The following ASPH variants were observed in gnomAD, a reference collection of about 807,000 sequenced individuals.
ASPH encodes the protein aspartyl/asparaginyl beta-hydroxylase.
In ASPH, 100 loss-of-function variants were observed where a neutral mutation model predicts 118.4. The ratio of observed to expected loss-of-function variants is 0.84; its 90% CI spans 0.72 to 1.00. The LOEUF is 1.00. Ranked by LOEUF, ASPH falls within the 50% of genes least tolerant of loss-of-function variation. The pLI, the probability that ASPH is intolerant of heterozygous loss-of-function variation, is 0.00. For missense variants in ASPH, 920 were observed against 919.5 expected, an observed-to-expected ratio of 1.00 and a Z score of -0.01; for synonymous variants, 315 against 325.6, an observed-to-expected ratio of 0.97 and a Z score of 0.35.
In ASPH at chr8:61,500,729, T is replaced by G. The variant is rs1250731082; in HGVS notation, c.*2630A>C. 1 of 152,224 alleles carries G rather than the reference T, an allele frequency of 6.6e-6. No homozygotes were observed. The highest frequency in any genetic ancestry group is 1.5e-5 in the Non-Finnish European group (1 of 68,030). 9.4% of individuals were successfully genotyped at this position (152,224 alleles called of 1,614,324 possible). A position where few individuals can be genotyped will look rare whatever the true frequency, so the allele number is the denominator to read the frequency against. ...TAGACATCTCTTATTCGCCCAGCCA[T>G]CTGCATGACATGGGTATTTATTAGT... On this transcript the variant is annotated 3_prime_UTR_variant, in exon 25 of 25. Transcript: ENST00000379454.
At chr8:61,586,190 T>C (rs548566069) in intron 14 of ASPH, among the ~76,000 whole-genome samples, 12 of 152,302 alleles carry the variant, frequency 7.9e-5, no homozygotes, top group African/African-American at 2.6e-4. Flanking sequence ...TTATTGCCTC[T>C]GTAACTCCTT....
intron 3 of ASPH, among the ~76,000 whole-genome samples, chr8:61,662,465 A>T (rs558952958): frequency 6.6e-6 from 1 of 152,286 alleles, no homozygotes; most frequent in East Asian, 1.9e-4. Flanking sequence ...TCTGGTTTTA[A>T]TTATACTTAG....
intron 18 of ASPH, among the ~76,000 whole-genome samples, chr8:61,562,132 G>C (rs1830156139): frequency 6.6e-6 from 1 of 152,080 alleles, no homozygotes; most frequent in South Asian, 2.1e-4. Flanking sequence ...TGTTCATTCT[G>C]TACCAAATGA....
At chr8:61,710,288 G>A (rs1349424606) in intron 1 of ASPH, among the ~76,000 whole-genome samples, 1 of 152,160 alleles carries the variant, frequency 6.6e-6, no homozygotes, top group Non-Finnish European at 1.5e-5. Flanking sequence ...AACTGCACTA[G>A]CTTTCTGGAG....
intron 15 of ASPH, among the ~76,000 whole-genome samples, chr8:61,577,371 A>G (rs1220473014): frequency 5.4e-5 from 8 of 149,492 alleles, no homozygotes; most frequent in Non-Finnish European, 1.0e-4. Flanking sequence ...ACAAAAAAAA[A>G]AGAAAATGGC....
intron 13 of ASPH, among the ~76,000 whole-genome samples, chr8:61,631,192 A>G (rs1855433453): frequency 6.6e-6 from 1 of 152,196 alleles, no homozygotes; most frequent in Admixed American, 6.5e-5. Context: ...ACAGTAAACC[A>G]AGGTTAATTA....
At position 61,501,289 on chromosome 8, in the gene ASPH, C is replaced by T. The variant is rs1443115258; in HGVS notation, c.*2070G>A. On this transcript the variant is annotated 3_prime_UTR_variant, in exon 25 of 25. Transcript: ENST00000379454. ...AATAGTTGTGGGATACAAGTATTTA[C>T]AATGCTATTGGAGTCAATTATTGAC... is the stretch of plus-strand genomic sequence containing the variant. The T allele has an allele frequency of 6.6e-6, 1 of 152,134 alleles. No homozygotes were observed. Among genetic ancestry groups the T allele is most frequent in the Non-Finnish European group, 1.5e-5 (1 of 68,000 alleles). 9.4% of individuals were successfully genotyped at this position (152,134 alleles called of 1,614,324 possible).
intron 21 of ASPH, among the ~76,000 whole-genome samples, chr8:61,538,619 G>A (rs955710872): frequency 6.6e-6 from 1 of 152,108 alleles, no homozygotes; most frequent in African/African-American, 2.4e-5. Context: ...TTGTCTAGGC[G>A]AAGTCATTCA....
rs1228318856 is a variant in ASPH at position 61,501,268 on chromosome 8, G to C, written c.*2091C>G. The C allele has an allele frequency of 2.0e-5, 3 of 152,152 alleles. No homozygotes were observed. Among genetic ancestry groups the C allele is most frequent in the Non-Finnish European group, 2.9e-5 (2 of 68,004 alleles). 9.4% of individuals were successfully genotyped at this position (152,152 alleles called of 1,614,324 possible). Reference sequence around the variant, plus strand: ...CATTTTATTGCTTGGGTTTAAAATAGTTGTGGGATACAAGTATTTACAATG... The same window carrying C: ...CATTTTATTGCTTGGGTTTAAAATACTTGTGGGATACAAGTATTTACAATG... On this transcript the variant is annotated 3_prime_UTR_variant, in exon 25 of 25. Transcript: ENST00000379454.
chr8:61,545,765 A>T (rs1183102896), intron 21 of ASPH, among the ~76,000 whole-genome samples: 2 of 152,190 alleles, frequency 1.3e-5, no homozygotes, highest in East Asian at 3.8e-4. Context: ...CTTCCTCCAG[A>T]TAAACCATTT....
rs545021836 is a variant in ASPH at position 61,554,035 on chromosome 8, G to A, written c.1537-915C>T. Among the ~76,000 whole-genome samples, 5 of 152,328 alleles carry A rather than the reference G, an allele frequency of 3.3e-5. No individual in the cohort carries two copies. In the East Asian group the frequency reaches 7.7e-4, roughly 23 times the overall value. On this transcript the variant is annotated intron_variant, in intron 19 of 24. Transcript: ENST00000379454. Reference sequence around the variant, plus strand: ...GCTTCTAATTGACCAACACTCAAGTGTCCTTGCTTGATAACTGACCAGGCC... The same window carrying A: ...GCTTCTAATTGACCAACACTCAAGTATCCTTGCTTGATAACTGACCAGGCC...
chr8:61,614,429 C>G (rs558011707), intron 14 of ASPH, among the ~76,000 whole-genome samples: 1 of 152,336 alleles, frequency 6.6e-6, no homozygotes, highest in Non-Finnish European at 1.5e-5. Flanking sequence ...AAATCAAGAA[C>G]ATATTGCACA....
At chr8:61,519,664 A>T (rs1812233714) in intron 22 of ASPH, among the ~76,000 whole-genome samples, 2 of 69,688 alleles carry the variant, frequency 2.9e-5, no homozygotes, top group Admixed American at 3.8e-4. Flanking sequence ...TAATCACAGC[A>T]TCCTTAAATG....
At chr8:61,574,119 A>G (rs1053782998) in intron 16 of ASPH, among the ~76,000 whole-genome samples, 7 of 152,240 alleles carry the variant, frequency 4.6e-5, no homozygotes, top group African/African-American at 1.7e-4. Context: ...ACTGGTCATT[A>G]GAGAAATGCA....
At chr8:61,579,297 C>G (rs938008153) in intron 15 of ASPH, 9 of 1,614,106 alleles carry the variant, frequency 5.6e-6, no homozygotes, top group Non-Finnish European at 7.6e-6. Context: ...GGAGGCTGCC[C>G]TGCAGCGGGC....
chr8:61,535,998 T>A (rs923080928), intron 21 of ASPH, among the ~76,000 whole-genome samples: 1 of 152,148 alleles, frequency 6.6e-6, no homozygotes, highest in East Asian at 1.9e-4. Context: ...ATCTCCTTGT[T>A]TTTCAAGTGT....
At chr8:61,570,800 C>T (rs532273956) in intron 16 of ASPH, among the ~76,000 whole-genome samples, 1 of 152,242 alleles carries the variant, frequency 6.6e-6, no homozygotes, top group East Asian at 1.9e-4. Flanking sequence ...ACTAATTCAC[C>T]CAACCAATCT....
At chr8:61,712,309 T>C (rs1476651122) in intron 1 of ASPH, among the ~76,000 whole-genome samples, 1 of 152,210 alleles carries the variant, frequency 6.6e-6, no homozygotes, top group Non-Finnish European at 1.5e-5. Flanking sequence ...CAGCCTACTA[T>C]ACACGACACT....
rs138212166 is a variant in ASPH, at chr8:61,548,093, G to A, written c.1742C>T (p.Thr581Met). Reference protein sequence around the residue: ...KAQPWWTPKETGYTELVKSLE... With the variant: ...KAQPWWTPKEMGYTELVKSLE... ...TACCTTTACTAACTCTGTGTAGCCCGTTTCTTTTGGGGTCCACCAAGGCTG... is the reference window on the plus strand; with the variant it reads ...TACCTTTACTAACTCTGTGTAGCCCATTTCTTTTGGGGTCCACCAAGGCTG... The change falls in exon 21 of 25, where the codon ACG becomes ATG. Residue 581 changes from threonine to methionine, a missense_variant. Coordinates refer to ENST00000379454, the MANE Select transcript of ASPH (RefSeq NM_004318.4). The A allele has an allele frequency of 3.7e-5, 59 of 1,613,714 alleles. No individual in the cohort carries two copies. In the East Asian group the frequency reaches 4.7e-4, roughly 13 times the overall value.
Sources: gnomAD v4.1 joint callset for allele counts (sites outside exome capture counted in the v4.1 genomes callset) on GRCh38, gnomAD v4.1.1 for gene constraint, MANE v1.5 for transcripts, NCBI Gene and HGNC (gene_info 2026-07-23, HGNC 2026-07-21) for gene names.